The following GRM8 variants were observed in gnomAD, a reference collection of about 807,000 sequenced individuals.
GRM8 encodes the protein metabotropic glutamate receptor 8.
Under a neutral mutation model 87.2 loss-of-function variants are expected in GRM8, and 47 were observed. The ratio of observed to expected loss-of-function variants is 0.54; its 90% confidence interval spans 0.43 to 0.69. GRM8 has a LOEUF of 0.69. Ranked by LOEUF, GRM8 falls within the 30% of genes least tolerant of loss-of-function variation. The pLI, the probability that GRM8 is intolerant of heterozygous loss-of-function variation, is 0.00. For missense variants in GRM8, 1,019 were observed against 1,139.2 expected (o/e 0.89, Z 1.52); for synonymous variants, 396 against 404.5 (o/e 0.98, Z 0.25).
intron 3 of GRM8, among the ~76,000 whole-genome samples, chr7:127,068,212 G>A (rs1407666111): frequency 2.6e-5 from 4 of 152,086 alleles, no homozygotes; most frequent in Non-Finnish European, 5.9e-5. Context: ...AAAAGATGTG[G>A]GTGGTTTGAT....
At chr7:126,794,026 C>T (rs1313566233) in intron 6 of GRM8, among the ~76,000 whole-genome samples, 1 of 151,860 alleles carries the variant, frequency 6.6e-6, no homozygotes, top group Non-Finnish European at 1.5e-5. Flanking sequence ...TTTAAATGGC[C>T]CTTGAAAATA....
chr7:127,172,611 G>A (rs569439195), intron 2 of GRM8, among the ~76,000 whole-genome samples: 7 of 152,040 alleles, frequency 4.6e-5, no homozygotes, highest in African/African-American at 1.7e-4. Context: ...AGGAGGCTGA[G>A]GCAGGAGAAT....
intron 8 of GRM8, among the ~76,000 whole-genome samples, chr7:126,569,993 A>T (rs528110909): frequency 3.6e-4 from 55 of 152,286 alleles, no homozygotes; most frequent in African/African-American, 1.3e-3. Flanking sequence ...TAGTCACCTG[A>T]ATTGAGTCTA....
intron 9 of GRM8, among the ~76,000 whole-genome samples, chr7:126,460,956 A>T (rs2150519307): frequency 6.6e-6 from 1 of 151,664 alleles, no homozygotes; most frequent in South Asian, 2.1e-4. Flanking sequence ...AGCCCTAGGC[A>T]TCTAAATCTC....
intron 7 of GRM8, among the ~76,000 whole-genome samples, chr7:126,689,326 A>G (rs1808541426): frequency 6.6e-6 from 1 of 152,218 alleles, no homozygotes; most frequent in Non-Finnish European, 1.5e-5. Flanking sequence ...AGCAACAACC[A>G]TTCTTAGCCT....
chr7:126,637,290 C>T (rs1233556285), intron 7 of GRM8, among the ~76,000 whole-genome samples: 1 of 151,780 alleles, frequency 6.6e-6, no homozygotes, highest in African/African-American at 2.4e-5. Context: ...TAAAAGAAAA[C>T]CATATTGCTT....
chr7:126,644,558 G>A (rs1237876524), intron 7 of GRM8, among the ~76,000 whole-genome samples: 1 of 152,134 alleles, frequency 6.6e-6, no homozygotes, highest in Non-Finnish European at 1.5e-5. Context: ...CTAGTTTTCT[G>A]TGTATAGCTC....
intron 3 of GRM8, among the ~76,000 whole-genome samples, chr7:127,087,531 A>G (rs1411175168): frequency 6.6e-6 from 1 of 152,226 alleles, no homozygotes; most frequent in African/African-American, 2.4e-5. Context: ...CTCCATTTAT[A>G]TGAGGTATCT....
intron 3 of GRM8, among the ~76,000 whole-genome samples, chr7:127,026,382 T>C (rs961914874): frequency 6.6e-6 from 1 of 152,166 alleles, no homozygotes; most frequent in Non-Finnish European, 1.5e-5. Context: ...GATTGCTGGG[T>C]CAAATGGTAT....
At chr7:126,614,957 A>G (rs1799305992) in intron 7 of GRM8, among the ~76,000 whole-genome samples, 1 of 152,222 alleles carries the variant, frequency 6.6e-6, no homozygotes, top group Admixed American at 6.5e-5. Context: ...TCTGCAGGAT[A>G]TTATCCAGGA....
chr7:127,222,344 A>C (rs17867320), intron 2 of GRM8, among the ~76,000 whole-genome samples: 12,178 of 152,150 alleles, frequency 0.08, 536 homozygotes, highest in African/African-American at 0.099. Context: ...GGAGGCGGAG[A>C]CTGTGGGGAG....
chr7:126,960,806 G>C (rs1233334232), intron 3 of GRM8, among the ~76,000 whole-genome samples: 2 of 152,186 alleles, frequency 1.3e-5, no homozygotes, highest in Non-Finnish European at 2.9e-5. Context: ...TGAAAGCAGT[G>C]CCATTTAATA....
intron 8 of GRM8, among the ~76,000 whole-genome samples, chr7:126,568,320 T>C (rs771400051): frequency 2.6e-5 from 4 of 152,148 alleles, no homozygotes; most frequent in Non-Finnish European, 5.9e-5. Flanking sequence ...GAAAAATATA[T>C]ATTCCAAAAC....
intron 3 of GRM8, among the ~76,000 whole-genome samples, chr7:126,956,908 C>G (rs1420542325): frequency 6.6e-6 from 1 of 152,106 alleles, no homozygotes; most frequent in Non-Finnish European, 1.5e-5. Context: ...CGACTATTAC[C>G]ATGAATTAGT....
rs191510713 is a variant in GRM8 at position 127,198,424 on chromosome 7, A to G, written c.510+44271T>C. 6.8e-3 allele frequency among the ~76,000 whole-genome samples: 1,034 copies of G among 152,236 alleles called. 11 individuals are homozygous for G. The highest frequency in any genetic ancestry group is 8.4e-3 in the Non-Finnish European group (568 of 68,018). On this transcript the variant is annotated intron_variant, in intron 2 of 10. Transcript: ENST00000339582. ...CTGAACTCACCTGAGCGAGTTTCCT[A>G]TGAAATGAAAATGACAGTAATTGTG...
rs143180832 is a variant in GRM8, at chr7:126,571,379, G to A, written c.1495-37492C>T. Among the ~76,000 whole-genome samples the A allele has an allele frequency of 8.6e-3, 1,304 of 152,222 alleles. 8 individuals are homozygous for A. The highest frequency in any genetic ancestry group is 0.012 in the Non-Finnish European group (820 of 67,998). On this transcript the variant is annotated intron_variant, in intron 8 of 10. Transcript: ENST00000339582. ...AATTTAGATTTTATGAGATTTAAAT[G>A]AGATTAAATACTGTACTGAAAATAA...
chr7:126,589,532 C>T (rs901902513), intron 8 of GRM8, among the ~76,000 whole-genome samples: 1 of 152,168 alleles, frequency 6.6e-6, no homozygotes, highest in African/African-American at 2.4e-5. Context: ...TGGTATTTCT[C>T]TACCCACCCT....
At chr7:127,015,229 G>C (rs902735770) in intron 3 of GRM8, among the ~76,000 whole-genome samples, 1 of 132,144 alleles carries the variant, frequency 7.6e-6, no homozygotes, top group African/African-American at 3.0e-5. Context: ...AGAAGAAGAA[G>C]AAGAAGAAGA....
intron 2 of GRM8, among the ~76,000 whole-genome samples, chr7:127,158,342 T>A (rs1200791905): frequency 6.6e-6 from 1 of 152,072 alleles, no homozygotes; most frequent in Non-Finnish European, 1.5e-5. Context: ...ACAAAGGACA[T>A]CCTCACCGTC....
Sources: gnomAD v4.1 joint callset for allele counts (sites outside exome capture counted in the v4.1 genomes callset) on GRCh38, gnomAD v4.1.1 for gene constraint, MANE v1.5 for transcripts, NCBI Gene and HGNC (gene_info 2026-07-23, HGNC 2026-07-21) for gene names.